MIPEP: variants seen among roughly 807,000 people sequenced by gnomAD.
MIPEP encodes the protein mitochondrial intermediate peptidase.
In MIPEP, 79 loss-of-function variants were observed where a neutral mutation model predicts 90.3. The ratio of observed to expected loss-of-function variants is 0.87; its 90% confidence interval spans 0.73 to 1.05. The LOEUF (loss-of-function observed/expected upper bound fraction) is 1.05, where lower values mean the gene tolerates loss of function less well. Ranked by LOEUF, MIPEP falls within the 50% of genes least tolerant of loss-of-function variation. The probability of loss-of-function intolerance (pLI) is 0.00; values close to 1 mark genes in which losing one functional copy is unlikely to be tolerated. For synonymous variants in MIPEP, 334 were observed against 315.8 expected, an observed-to-expected ratio of 1.06 and a Z score of -0.61; for missense variants, 940 against 905.6, an observed-to-expected ratio of 1.04 and a Z score of -0.49.
intron 14 of MIPEP, among the ~76,000 whole-genome samples, chr13:23,818,251 T>C (rs1953264438): frequency 7.7e-6 from 1 of 130,088 alleles, no homozygotes; most frequent in African/African-American, 3.4e-5. Context: ...ACCCTGTATC[T>C]ACTTAAAAAA....
chr13:23,785,421 C>G (rs1470214662), intron 16 of MIPEP, among the ~76,000 whole-genome samples: 1 of 145,266 alleles, frequency 6.9e-6, no homozygotes, highest in Non-Finnish European at 1.5e-5. Flanking sequence ...TTCTCACTCA[C>G]AGGTGGGAAC....
intron 18 of MIPEP, among the ~76,000 whole-genome samples, chr13:23,730,931 G>C (rs900682440): frequency 5.9e-5 from 9 of 152,150 alleles, no homozygotes; most frequent in Admixed American, 4.6e-4. Context: ...CTGTCCCAGA[G>C]AACTCCTAGC....
At chr13:23,829,820 C>T (rs1051773542) in intron 14 of MIPEP, among the ~76,000 whole-genome samples, 4 of 152,018 alleles carry the variant, frequency 2.6e-5, no homozygotes, top group African/African-American at 7.2e-5. Context: ...AATAAAAAAC[C>T]TTAAAAGTAA....
At chr13:23,734,808 A>T (rs946792114) in intron 18 of MIPEP, among the ~76,000 whole-genome samples, 1 of 152,104 alleles carries the variant, frequency 6.6e-6, no homozygotes, top group Non-Finnish European at 1.5e-5. Context: ...GCATCTCCAC[A>T]GGGGGGAATG....
chr13:23,867,750 C>T (rs1181665271), intron 7 of MIPEP, among the ~76,000 whole-genome samples: 1 of 152,024 alleles, frequency 6.6e-6, no homozygotes, highest in Non-Finnish European at 1.5e-5. Context: ...TCTCAAGCAG[C>T]CTGTGGAAAA....
intron 18 of MIPEP, among the ~76,000 whole-genome samples, chr13:23,742,893 TA>T (rs565641833): frequency 6.6e-6 from 1 of 152,224 alleles, no homozygotes; most frequent in South Asian, 2.1e-4. Flanking sequence ...CACAGCATTG[TA>T]AGTGTAGGAC....
At chr13:23,869,974 A>G in intron 6 of MIPEP, 39 bp downstream of exon 6, 2 of 1,485,678 alleles carry the variant, frequency 1.3e-6, no homozygotes, top group South Asian at 2.9e-5. Flanking sequence ...GCAACACACA[A>G]ATGGGACCTA....
intron 16 of MIPEP, among the ~76,000 whole-genome samples, chr13:23,762,016 T>C (rs1222856563): frequency 6.6e-6 from 1 of 152,082 alleles, no homozygotes; most frequent in Non-Finnish European, 1.5e-5. Flanking sequence ...TCTCAGCTAC[T>C]TGGGAAGCTG....
intron 12 of MIPEP, 114 bp downstream of exon 12, chr13:23,839,535 C>T (rs1869202890): frequency 7.3e-6 from 4 of 550,334 alleles, no homozygotes; most frequent in African/African-American, 3.9e-5. Flanking sequence ...ATTTGGTAAC[C>T]ATCATTAGTA....
intron 16 of MIPEP, among the ~76,000 whole-genome samples, chr13:23,775,257 C>T (rs531574484): frequency 3.9e-5 from 6 of 152,000 alleles, no homozygotes; most frequent in Non-Finnish European, 8.8e-5. Context: ...TTTTTCTTGA[C>T]AAATTCCTAT....
At chr13:23,888,851 C>T in intron 1 of MIPEP, 1 of 692,098 alleles carries the variant, frequency 1.4e-6, no homozygotes, top group Non-Finnish European at 2.0e-6. Flanking sequence ...AATTCACCGC[C>T]ACTGCCAGAA....
intron 14 of MIPEP, among the ~76,000 whole-genome samples, chr13:23,834,640 C>T (rs963883835): frequency 2.6e-5 from 4 of 152,200 alleles, no homozygotes; most frequent in East Asian, 1.9e-4. Flanking sequence ...AGATGAATAC[C>T]GCTGAGAGCT....
intron 16 of MIPEP, among the ~76,000 whole-genome samples, chr13:23,760,877 A>G (rs1952535139): frequency 6.6e-6 from 1 of 152,296 alleles, no homozygotes; most frequent in East Asian, 1.9e-4. Flanking sequence ...TCACATGACT[A>G]TCTACAAAAA....
intron 2 of MIPEP, among the ~76,000 whole-genome samples, chr13:23,885,735 AT>A (rs1261493564): frequency 6.6e-6 from 1 of 151,640 alleles, no homozygotes; most frequent in Non-Finnish European, 1.5e-5. Context: ...TTGGTTTTTA[AT>A]TAAAAAAAAA....
chr13:23,781,144 C>T (rs1203214132), intron 16 of MIPEP, among the ~76,000 whole-genome samples: 1 of 152,076 alleles, frequency 6.6e-6, no homozygotes, highest in African/African-American at 2.4e-5. Context: ...CTCCAAGACA[C>T]ATAATTATCA....
rs140242426 is a variant in MIPEP, at chr13:23,860,155, T to C, written c.1054-1243A>G. Reference sequence around the variant, plus strand: ...CAATCAGAGGACAGTATGTCATGTCTACATTGTGCCATGTAAAACACAGCC... The same window carrying C: ...CAATCAGAGGACAGTATGTCATGTCCACATTGTGCCATGTAAAACACAGCC... On this transcript the variant is annotated intron_variant, in intron 9 of 18. Coordinates refer to ENST00000382172, the MANE Select transcript of MIPEP (RefSeq NM_005932.4). Among the ~76,000 whole-genome samples the C allele has an allele frequency of 4.3e-3, 661 of 152,362 alleles. 8 individuals carry two copies. Among genetic ancestry groups the C allele is most frequent in the African/African-American group, 0.015 (607 of 41,584 alleles).
At chr13:23,785,404 C>T (rs1273392122) in intron 16 of MIPEP, among the ~76,000 whole-genome samples, 1 of 151,264 alleles carries the variant, frequency 6.6e-6, no homozygotes, top group Non-Finnish European at 1.5e-5. Flanking sequence ...AAACCAAACA[C>T]CGCATGTTCT....
chr13:23,777,730 C>G (rs1336677563), intron 16 of MIPEP, among the ~76,000 whole-genome samples: 2 of 152,334 alleles, frequency 1.3e-5, no homozygotes, highest in South Asian at 4.1e-4. Flanking sequence ...TTACTCACTA[C>G]TGATGAGCTT....
intron 14 of MIPEP, among the ~76,000 whole-genome samples, chr13:23,819,588 A>C: frequency 6.6e-6 from 1 of 152,208 alleles, no homozygotes; most frequent in Non-Finnish European, 1.5e-5. Context: ...TTTTCTAAAA[A>C]TCCAGAAAAT....
Sources: allele counts gnomAD v4.1 joint callset (sites outside exome capture counted in the v4.1 genomes callset), GRCh38; gene constraint gnomAD v4.1.1; transcripts MANE v1.5; gene names NCBI Gene and HGNC (gene_info 2026-07-23, HGNC 2026-07-21).